The following FLT3 variants were observed in gnomAD, a reference collection of about 807,000 sequenced individuals.
FLT3 encodes the protein fms related receptor tyrosine kinase 3.
In FLT3, 46 loss-of-function variants were observed where a neutral mutation model predicts 126.6. The ratio of observed to expected loss-of-function variants is 0.36; its 90% CI spans 0.29 to 0.46. The LOEUF is 0.46. FLT3 is among the 20% of genes least tolerant of loss of function. The pLI, the probability that FLT3 is intolerant of heterozygous loss-of-function variation, is 1.00. For synonymous variants in FLT3, 404 were observed against 434.4 expected (o/e 0.93, Z 0.87); for missense variants, 1,069 against 1,190.3 (o/e 0.90, Z 1.50).
chr13:28,065,573 T>C (rs555949775), intron 2 of FLT3, among the ~76,000 whole-genome samples: 11 of 151,724 alleles, frequency 7.3e-5, no homozygotes, highest in Non-Finnish European at 1.6e-4. Flanking sequence ...GCCTAGGAGG[T>C]TGAGGCTGAA....
chr13:28,098,148 C>T (rs1046660743), intron 1 of FLT3, among the ~76,000 whole-genome samples: 2 of 151,904 alleles, frequency 1.3e-5, no homozygotes, highest in Non-Finnish European at 1.5e-5. Context: ...AACCTCGTCT[C>T]TACTAAAAAT....
intron 1 of FLT3, among the ~76,000 whole-genome samples, chr13:28,087,048 T>C (rs977461764): frequency 2.6e-5 from 4 of 152,190 alleles, no homozygotes; most frequent in East Asian, 1.9e-4. Context: ...CTCTTCATTT[T>C]TGAAAGTGTT....
At chr13:28,093,680 T>G (rs1349803577) in intron 1 of FLT3, among the ~76,000 whole-genome samples, 1 of 152,220 alleles carries the variant, frequency 6.6e-6, no homozygotes, top group Non-Finnish European at 1.5e-5. Context: ...TCTTCCAGTA[T>G]GACTCTGGCA....
At chr13:28,013,070 C>T (rs1871538135) in intron 23 of FLT3, among the ~76,000 whole-genome samples, 1 of 152,166 alleles carries the variant, frequency 6.6e-6, no homozygotes, top group Admixed American at 6.5e-5. Context: ...TTATAGGTAT[C>T]TGTGCAATAG....
chr13:28,098,442 C>T (rs148634468), intron 1 of FLT3, among the ~76,000 whole-genome samples: 2 of 152,014 alleles, frequency 1.3e-5, no homozygotes, highest in East Asian at 3.9e-4. Context: ...TCACTTTATC[C>T]TTCTTTATTC....
In FLT3 at chr13:28,061,987, A is replaced by C; in HGVS notation, c.248T>G (p.Val83Gly). Residue 83 changes from valine to glycine, a missense_variant, in exon 3 of 24, where the codon GTG (valine) becomes GGG (glycine). Coordinates refer to ENST00000241453, the MANE Select transcript of FLT3 (RefSeq NM_004119.3). ...CAGTGTGATGGAAGCAGATACATCC[A>C]CTTCCACAGCGGCAGCTTCGTACAC... is the stretch of plus-strand genomic sequence containing the variant. ...GTVYEAAAVE[V>G]DVSASITLQV... 6.2e-7 allele frequency: 1 copy of C among 1,613,030 alleles called. No homozygotes were observed. Among genetic ancestry groups the C allele is most frequent in the Non-Finnish European group, 8.5e-7 (1 of 1,179,370 alleles).
At chr13:28,053,969 C>T (rs968502408) in intron 4 of FLT3, among the ~76,000 whole-genome samples, 10 of 152,100 alleles carry the variant, frequency 6.6e-5, no homozygotes. Flanking sequence ...CTGCCTTGGC[C>T]TCCCAAAGTG....
At chr13:28,060,466 TA>T (rs10629301) in intron 3 of FLT3, among the ~76,000 whole-genome samples, 29,891 of 135,210 alleles carry the variant, frequency 0.22, 3,421 homozygotes, top group African/African-American at 0.3. Flanking sequence ...TAAAAATATT[TA>T]AAAAAAAAAA....
At chr13:28,019,158 C>G (rs2504226) in intron 19 of FLT3, among the ~76,000 whole-genome samples, 72,769 of 151,542 alleles carry the variant, frequency 0.48, 18,739 homozygotes, top group East Asian at 0.69. Context: ...GTAGAGACGG[C>G]GTTTCGCCAT....
In FLT3 at chr13:28,062,084, G is replaced by A. The variant is rs377689316; in HGVS notation, c.166-15C>T. On this transcript the variant is annotated splice_polypyrimidine_tract_variant and intron_variant, in intron 2 of 23. Coordinates refer to ENST00000241453, the MANE Select transcript of FLT3 (RefSeq NM_004119.3). Reference sequence around the variant, plus strand: ...GATTCTGATACCTACGTTGCAGATAGAACAAAGTGAATTCATGAAAACTGC... The same window carrying A: ...GATTCTGATACCTACGTTGCAGATAAAACAAAGTGAATTCATGAAAACTGC... 50 of 1,602,630 alleles carry A rather than the reference G, an allele frequency of 3.1e-5. No individual in the cohort carries two copies. The African/African-American group carries it at 6.0e-4, about 19-fold the overall frequency.
intron 1 of FLT3, among the ~76,000 whole-genome samples, chr13:28,081,844 C>CT (rs35243277): frequency 0.02 from 1,315 of 64,896 alleles, 419 homozygotes; most frequent in African/African-American, 0.076. Flanking sequence ...TACTTTGATT[C>CT]TTTTTTTTTT....
At chr13:28,057,085 C>A (rs1056813735) in intron 4 of FLT3, among the ~76,000 whole-genome samples, 1 of 152,236 alleles carries the variant, frequency 6.6e-6, no homozygotes, top group African/African-American at 2.4e-5. Context: ...TGTCAGCCAT[C>A]TGCTACTGAA....
chr13:28,089,232 C>T lies in FLT3; in HGVS notation c.43+11236G>A, dbSNP rs140362189. Among the ~76,000 whole-genome samples the T allele has an allele frequency of 3.9e-5, 6 of 152,278 alleles. No individual in the cohort carries two copies. The East Asian group carries it at 1.2e-3, about 29-fold the overall frequency. ...TGCTGACGATGACCTTGAGCAAATG[C>T]AATTCTCACACATTGTTGGGGAAAA... On this transcript the variant is annotated intron_variant, in intron 1 of 23. Transcript: ENST00000241453.
chr13:28,048,588 G>T, intron 8 of FLT3, 145 bp from the exon 9 acceptor site: 1 of 614,598 alleles, frequency 1.6e-6, no homozygotes, highest in Non-Finnish European at 2.8e-6. Flanking sequence ...GATAATCCAA[G>T]TGAAAACCCA....
At chr13:28,091,501 G>T (rs1338463232) in intron 1 of FLT3, among the ~76,000 whole-genome samples, 2 of 151,810 alleles carry the variant, frequency 1.3e-5, no homozygotes, top group African/African-American at 4.8e-5. Flanking sequence ...GATTACAGGC[G>T]TGAGCCACCG....
rs565845689 is a variant in FLT3, at chr13:28,067,316, C to T, written c.165+3175G>A. Among the ~76,000 whole-genome samples the T allele has an allele frequency of 3.5e-4, 54 of 152,256 alleles. No homozygotes were observed. In the East Asian group the frequency reaches 0.01, roughly 28 times the overall value. On this transcript the variant is annotated intron_variant, in intron 2 of 23. Coordinates refer to ENST00000241453, the MANE Select transcript of FLT3 (RefSeq NM_004119.3). The stretch of plus-strand genomic sequence containing the variant: ...GGGATTACAGGCGTGAGCCACCGTG[C>T]CCAGCCCCTGTAAAAAGTTTTTAAA...
chr13:28,094,707 C>T (rs993996222), intron 1 of FLT3, among the ~76,000 whole-genome samples: 18 of 152,124 alleles, frequency 1.2e-4, no homozygotes, highest in Admixed American at 1.1e-3. Context: ...CGCTGTATTG[C>T]CCAGGCTGGT....
chr13:28,057,805 C>T lies in FLT3; in HGVS notation c.369-343G>A, dbSNP rs6491257. 0.74 allele frequency among the ~76,000 whole-genome samples: 112,871 copies of T among 152,046 alleles called. 42,720 individuals are homozygous for T. The highest frequency in any genetic ancestry group is 0.95 in the East Asian group (4,917 of 5,174). Reference sequence around the variant, plus strand: ...CTGTAATCTCAGAACTTTGGGAAGCCGAGGCAGGCAGATCACCTGAGGTCA... The same window carrying T: ...CTGTAATCTCAGAACTTTGGGAAGCTGAGGCAGGCAGATCACCTGAGGTCA... On this transcript the variant is annotated intron_variant, in intron 3 of 23. Coordinates refer to ENST00000241453, the MANE Select transcript of FLT3 (RefSeq NM_004119.3).
chr13:28,053,766 C>CG (rs777858224), intron 4 of FLT3, among the ~76,000 whole-genome samples: 1 of 57,288 alleles, frequency 1.7e-5, no homozygotes, highest in Non-Finnish European at 3.6e-5. Flanking sequence ...ATACTTTATT[C>CG]ATTTTTTTTT....
Sources: gnomAD v4.1 joint callset for allele counts (sites outside exome capture counted in the v4.1 genomes callset) on GRCh38, gnomAD v4.1.1 for gene constraint, MANE v1.5 for transcripts, NCBI Gene and HGNC (gene_info 2026-07-23, HGNC 2026-07-21) for gene names.